Variants in FRY observed in about 807,000 individuals in gnomAD.
FRY encodes FRY microtubule binding protein, also known as protein furry homolog.
A neutral mutation model predicts 348.4 loss-of-function variants in FRY; 128 were observed. That is an observed-to-expected ratio of 0.37 (90% CI 0.32 to 0.43). FRY has a LOEUF of 0.43. FRY is among the 20% of genes least tolerant of loss of function. FRY has a pLI of 1.00. For missense variants in FRY, 2,736 were observed against 3,695.2 expected (o/e 0.74, Z 6.73); for synonymous variants, 1,370 against 1,374.7 (o/e 1.00, Z 0.08).
intron 54 of FRY, 29 bp from the exon 55 acceptor site, chr13:32,267,141 C>A: frequency 6.3e-7 from 1 of 1,599,820 alleles, no homozygotes; most frequent in Non-Finnish European, 8.6e-7. Context: ...GACATCACTT[C>A]TTGACATAGT....
At chr13:32,087,021 T>G (rs1875917218) in intron 2 of FRY, among the ~76,000 whole-genome samples, 1 of 152,184 alleles carries the variant, frequency 6.6e-6, no homozygotes, top group Non-Finnish European at 1.5e-5. Context: ...ATAAAGGTGC[T>G]AACTGTGTCA....
intron 2 of FRY, 30 bp downstream of exon 2, chr13:32,079,063 T>TAAGG (rs368105613): frequency 7.0e-7 from 1 of 1,428,244 alleles, no homozygotes; most frequent in African/African-American, 1.4e-5. Context: ...ACTGCCTCTT[T>TAAGG]GAAAATTCAT....
In FRY at chr13:32,212,275, T is replaced by C. The variant is rs748465139; in HGVS notation, c.4592-17T>C. On this transcript the variant is annotated splice_polypyrimidine_tract_variant and intron_variant, in intron 34 of 60. Coordinates refer to ENST00000542859, the MANE Select transcript of FRY (RefSeq NM_023037.3). The stretch of plus-strand genomic sequence containing the variant: ...TGCATCTTTTTATAAGTGTTTTTCT[T>C]CCATTCCCATCTACAGGAACCACCT... 1 of 1,504,490 alleles carries C rather than the reference T, an allele frequency of 6.6e-7. No homozygotes were observed. The highest frequency in any genetic ancestry group is 9.2e-7 in the Non-Finnish European group (1 of 1,083,652). The allele number at this position is 1,504,490 out of a possible 1,614,324, so 93.2% of individuals were successfully genotyped here.
Position 32,185,045 on chromosome 13 carries a change from C to T in FRY, c.3216C>T (p.Thr1072=). 1 of 1,613,588 alleles carries T rather than the reference C, an allele frequency of 6.2e-7. No individual in the cohort carries two copies. Among genetic ancestry groups the T allele is most frequent in the Non-Finnish European group, 8.5e-7 (1 of 1,179,534 alleles). Residue 1072 remains threonine, a synonymous_variant, in exon 26 of 61, where the codon ACC becomes ACT. Transcript: ENST00000542859. ...TGTTCTTAGAATATGTGGACTTGAC[C>T]CGCATGCTCCTAGAAGCTGAAAATG... is the stretch of plus-strand genomic sequence containing the variant. The part of the protein sequence containing the change: ...GALFLEYVDL[T]RMLLEAENDK...
intron 1 of FRY, among the ~76,000 whole-genome samples, chr13:32,043,823 TGG>T (rs1242436921): frequency 1.3e-5 from 2 of 152,140 alleles, no homozygotes. Context: ...CAAAAAGAAA[TGG>T]AGTCTTTCTA....
intron 24 of FRY, among the ~76,000 whole-genome samples, chr13:32,183,498 C>T (rs1882832165): frequency 6.6e-6 from 1 of 152,210 alleles, no homozygotes; most frequent in Non-Finnish European, 1.5e-5. Flanking sequence ...TAGAAAAGGG[C>T]CAGGCGCGAT....
chr13:32,261,908 T>C lies in FRY; in HGVS notation c.7617+92T>C, dbSNP rs377739307. ...GTTTCCAGTTGCAGCTAAGGAAACT[T>C]TCCACAGCTGCTGAACTAAAATCGG... On this transcript the variant is annotated intron_variant, in intron 52 of 60. Transcript: ENST00000542859. 4.8e-5 allele frequency: 56 copies of C among 1,176,618 alleles called. 1 individual carries two copies. The African/African-American group carries it at 5.9e-4, about 12-fold the overall frequency. 72.9% of individuals were successfully genotyped at this position (1,176,618 alleles called of 1,614,324 possible).
At chr13:32,265,644 G>C in intron 54 of FRY, 28 bp downstream of exon 54, 1 of 1,605,234 alleles carries the variant, frequency 6.2e-7, no homozygotes, top group Middle Eastern at 1.7e-4. Flanking sequence ...TGATGTGAGT[G>C]GTGTGAATGT....
intron 2 of FRY, among the ~76,000 whole-genome samples, chr13:32,086,881 A>G (rs1875905002): frequency 6.6e-6 from 1 of 152,178 alleles, no homozygotes; most frequent in Non-Finnish European, 1.5e-5. Context: ...GATTTTCATT[A>G]TTGAGGTTGC....
At chr13:32,294,148 C>A (rs1198116711) in intron 59 of FRY, among the ~76,000 whole-genome samples, 1 of 152,156 alleles carries the variant, frequency 6.6e-6, no homozygotes, top group Non-Finnish European at 1.5e-5. Flanking sequence ...TTAACCTTTT[C>A]TATAAGGAGA....
intron 14 of FRY, 84 bp downstream of exon 14, chr13:32,149,918 G>A (rs1233910154): frequency 2.4e-6 from 2 of 818,194 alleles, no homozygotes; most frequent in Non-Finnish European, 4.3e-6. Flanking sequence ...AGAATGGGAT[G>A]AGGGATGTCT....
intron 47 of FRY, among the ~76,000 whole-genome samples, chr13:32,246,720 C>G (rs1039597479): frequency 1.3e-5 from 2 of 152,216 alleles, no homozygotes; most frequent in Admixed American, 6.5e-5. Flanking sequence ...ATAGTCCAGG[C>G]AAGGCCCAAG....
chr13:32,062,116 T>A lies in FRY; in HGVS notation c.71-16718T>A, dbSNP rs566242441. ...CTGTTTCTAGGAAAAAAAAATCCTG[T>A]TAGTCATTATTTTACCCCTTACTTT... is the stretch of plus-strand genomic sequence containing the variant. On this transcript the variant is annotated intron_variant, in intron 1 of 60. Transcript: ENST00000542859. Among the ~76,000 whole-genome samples, 7 of 152,242 alleles carry A rather than the reference T, an allele frequency of 4.6e-5. No individual in the cohort carries two copies. In the South Asian group the frequency reaches 1.5e-3, roughly 32 times the overall value.
chr13:32,268,523 T>A (rs1179986527), intron 55 of FRY, among the ~76,000 whole-genome samples: 3 of 39,706 alleles, frequency 7.6e-5, no homozygotes, highest in African/African-American at 1.5e-4. Flanking sequence ...TATATATATA[T>A]ATATATATAT....
chr13:32,180,337 C>A (rs551355052), intron 23 of FRY, among the ~76,000 whole-genome samples: 3 of 151,980 alleles, frequency 2.0e-5, no homozygotes, highest in Admixed American at 1.3e-4. Context: ...TGGATTCAAG[C>A]GATTCTCCTG....
chr13:32,084,759 T>C (rs972044547), intron 2 of FRY, among the ~76,000 whole-genome samples: 1 of 152,140 alleles, frequency 6.6e-6, no homozygotes, highest in Non-Finnish European at 1.5e-5. Context: ...TACCAGACCA[T>C]AGTGTATTTT....
chr13:32,257,821 G>A, intron 51 of FRY: 4 of 657,526 alleles, frequency 6.1e-6, no homozygotes, highest in Non-Finnish European at 8.1e-6. Context: ...TTTCTTTTAA[G>A]GTGCACCTAC....
At position 32,173,372 on chromosome 13, in the gene FRY, C is replaced by G. The variant is rs1182641437; in HGVS notation, c.2157C>G (p.Ile719Met). Residue 719 changes from isoleucine (I) to methionine (M), a missense_variant, in exon 19 of 61, where the codon ATC becomes ATG. By Grantham distance (10) the Ile-to-Met change is conservative. This residue lies in a region of FRY where 449 missense variants were observed against 576.9 expected (regional missense o/e 0.78). Transcript: ENST00000542859. ...QANKIRNSEL[I>M]ANGSSHRIQS... ...TTGTTCTTATTGCATAACAGCTCAT[C>G]GCAAATGGCTCCAGTCACAGAATTC... is the stretch of plus-strand genomic sequence containing the variant. 6.2e-7 allele frequency: 1 copy of G among 1,610,368 alleles called. No individual in the cohort carries two copies. The highest frequency in any genetic ancestry group is 8.5e-7 in the Non-Finnish European group (1 of 1,178,342).
Position 32,231,306 on chromosome 13 carries a change from T to G in FRY, c.5527+6T>G, listed in dbSNP as rs1566152226. 1.9e-6 allele frequency: 3 copies of G among 1,612,506 alleles called. No individual in the cohort carries two copies. Among genetic ancestry groups the G allele is most frequent in the Non-Finnish European group, 2.5e-6 (3 of 1,178,762 alleles). On this transcript the variant is annotated splice_donor_region_variant and intron_variant, in intron 41 of 60. Transcript: ENST00000542859. ...ATTTAAAGATTCCAAATCAGGTACT[T>G]CATCTTATTTGCACAGATCCCTCTT...
Sources: allele counts gnomAD v4.1 joint callset (sites outside exome capture counted in the v4.1 genomes callset), GRCh38; gene constraint gnomAD v4.1.1; regional missense constraint gnomAD v4.1.1; transcripts MANE v1.5; gene names NCBI Gene and HGNC (gene_info 2026-07-23, HGNC 2026-07-21).